CPA6: variants seen among roughly 807,000 people sequenced by gnomAD.
CPA6 encodes carboxypeptidase B.
In CPA6, 58 loss-of-function variants were observed where a neutral mutation model predicts 63.3. That is an observed-to-expected ratio of 0.92 (90% confidence interval 0.74 to 1.14). The LOEUF (loss-of-function observed/expected upper bound fraction) is 1.14, where lower values mean the gene tolerates loss of function less well. Ranked by LOEUF, CPA6 falls within the 50% of genes most tolerant of loss-of-function variation. CPA6 has a pLI of 0.00. For missense variants in CPA6, 565 were observed against 526.6 expected (o/e 1.07, Z -0.71); for synonymous variants, 185 against 179.0 (o/e 1.03, Z -0.27).
Position 67,484,777 on chromosome 8 carries a change from A to G in CPA6, c.649T>C (p.Tyr217His), listed in dbSNP as rs1811441000. The G allele has an allele frequency of 1.9e-6, 3 of 1,583,306 alleles. No homozygotes were observed. Among genetic ancestry groups the G allele is most frequent in the Non-Finnish European group, 2.6e-6 (3 of 1,155,216 alleles). Reference protein sequence around the residue: ...QWFVKEALLTYKSDPAMRKML... With the variant: ...QWFVKEALLTHKSDPAMRKML... ...TTTCTCATGGCTGGGTCACTCTTAT[A>G]TGTTAGAAGAGCCTAAAAGACAAAG... Residue 217 changes from tyrosine to histidine, a missense_variant, in exon 7 of 11, where the codon TAT becomes CAT. Tyr to His is a moderately conservative substitution (Grantham distance 83). Transcript: ENST00000297770.
chr8:67,432,679 G>T (rs1810053956), intron 9 of CPA6, among the ~76,000 whole-genome samples: 2 of 152,086 alleles, frequency 1.3e-5, no homozygotes. Flanking sequence ...GTGCAGGCTG[G>T]TCTCAAATGT....
At chr8:67,467,988 G>A (rs1810967314) in intron 8 of CPA6, among the ~76,000 whole-genome samples, 1 of 151,508 alleles carries the variant, frequency 6.6e-6, no homozygotes, top group Non-Finnish European at 1.5e-5. Flanking sequence ...AACCCGGGAG[G>A]TGGAGGTTGC....
intron 1 of CPA6, among the ~76,000 whole-genome samples, chr8:67,659,526 C>T (rs899935932): frequency 2.6e-5 from 4 of 152,124 alleles, no homozygotes; most frequent in African/African-American, 9.7e-5. Context: ...AGTCTTTCTC[C>T]TCTGATGCAC....
intron 8 of CPA6, among the ~76,000 whole-genome samples, chr8:67,475,823 T>TTTCTCTTTTC (rs1554666526): frequency 2.2e-5 from 1 of 45,966 alleles, no homozygotes; most frequent in African/African-American, 1.0e-4. Flanking sequence ...CTTTCCTTTC[T>TTTCTCTTTTC]TTTCTTTCTT....
intron 2 of CPA6, among the ~76,000 whole-genome samples, chr8:67,525,434 A>T (rs1047489210): frequency 1.3e-5 from 2 of 152,236 alleles, no homozygotes; most frequent in African/African-American, 4.8e-5. Context: ...ATTGCTTAAG[A>T]ATATAAATTT....
intron 1 of CPA6, among the ~76,000 whole-genome samples, chr8:67,660,051 T>C (rs1242875640): frequency 1.3e-5 from 2 of 152,222 alleles, no homozygotes; most frequent in African/African-American, 4.8e-5. Context: ...CAGAGGCATG[T>C]AATTTCAAAT....
chr8:67,651,716 C>T lies in CPA6; in HGVS notation c.117-27465G>A, dbSNP rs370136656. 1.2e-4 allele frequency among the ~76,000 whole-genome samples: 18 copies of T among 151,936 alleles called. 1 individual carries two copies. The highest frequency in any genetic ancestry group is 3.9e-4 in the East Asian group (2 of 5,160). Reference sequence around the variant, plus strand: ...GCAGCCATAATTTAGTAGAGAATAGCGCGAGAGCTATTCTATTTTTTTTTA... The same window carrying T: ...GCAGCCATAATTTAGTAGAGAATAGTGCGAGAGCTATTCTATTTTTTTTTA... On this transcript the variant is annotated intron_variant, in intron 1 of 10. Transcript: ENST00000297770.
At chr8:67,582,641 G>A (rs1813805937) in intron 2 of CPA6, among the ~76,000 whole-genome samples, 3 of 152,172 alleles carry the variant, frequency 2.0e-5, no homozygotes, top group Admixed American at 2.0e-4. Context: ...GATGGTGTGG[G>A]AAGATCGATG....
chr8:67,597,816 G>A (rs1008911096), intron 2 of CPA6, among the ~76,000 whole-genome samples: 1 of 152,214 alleles, frequency 6.6e-6, no homozygotes, highest in Non-Finnish European at 1.5e-5. Flanking sequence ...TTGGAACCAG[G>A]TGGATTGTTG....
intron 2 of CPA6, among the ~76,000 whole-genome samples, chr8:67,612,332 C>T (rs189890291): frequency 2.6e-5 from 4 of 152,274 alleles, no homozygotes; most frequent in Admixed American, 1.3e-4. Flanking sequence ...AAAGCCTCAG[C>T]GTGGCCCCAT....
At chr8:67,451,547 A>G (rs7844794) in intron 8 of CPA6, among the ~76,000 whole-genome samples, 10,290 of 152,228 alleles carry the variant, frequency 0.068, 786 homozygotes, top group African/African-American at 0.19. Context: ...ATATAAATAA[A>G]GTGCACAATA....
At chr8:67,514,903 C>A (rs921921324) in intron 3 of CPA6, among the ~76,000 whole-genome samples, 1 of 152,184 alleles carries the variant, frequency 6.6e-6, no homozygotes. Flanking sequence ...TGCACAGCTG[C>A]GATTCTGTTC....
rs113848139 is a variant in CPA6 at position 67,653,953 on chromosome 8, C to A, written c.117-29702G>T. The stretch of plus-strand genomic sequence containing the variant: ...TTTATTGAGAGTTTTTAGCATGAAG[C>A]GTTGTTGAATTTTGTCAAAGGCCTT... On this transcript the variant is annotated intron_variant, in intron 1 of 10. Transcript: ENST00000297770. Among the ~76,000 whole-genome samples, 11 of 149,910 alleles carry A rather than the reference C, an allele frequency of 7.3e-5. 1 individual carries two copies. The highest frequency in any genetic ancestry group is 2.6e-4 in the Admixed American group (4 of 15,106).
intron 8 of CPA6, among the ~76,000 whole-genome samples, chr8:67,477,326 A>C (rs907028158): frequency 2.5e-4 from 37 of 150,492 alleles, no homozygotes; most frequent in African/African-American, 8.5e-4. Context: ...AAAAAAAAGC[A>C]TAACTAAGCA....
At chr8:67,628,629 A>G (rs1815246850) in intron 1 of CPA6, among the ~76,000 whole-genome samples, 2 of 152,242 alleles carry the variant, frequency 1.3e-5, no homozygotes, top group Non-Finnish European at 2.9e-5. Context: ...GTTTTACAGC[A>G]TTTTGTAACA....
chr8:67,511,718 C>G (rs1812047074), intron 3 of CPA6, 63 bp from the exon 4 acceptor site: 1 of 932,386 alleles, frequency 1.1e-6, no homozygotes, highest in African/African-American at 1.6e-5. Context: ...TCAGGCAACA[C>G]CCAGAAAAAA....
At chr8:67,537,480 T>A (rs1186114143) in intron 2 of CPA6, among the ~76,000 whole-genome samples, 1 of 152,256 alleles carries the variant, frequency 6.6e-6, no homozygotes, top group Non-Finnish European at 1.5e-5. Flanking sequence ...CTTATTTGCG[T>A]AGAGGTGTTT....
At chr8:67,718,794 G>A (rs546129202) in intron 1 of CPA6, among the ~76,000 whole-genome samples, 1 of 151,926 alleles carries the variant, frequency 6.6e-6, no homozygotes, top group Non-Finnish European at 1.5e-5. Flanking sequence ...TTACAGGTAC[G>A]TGTCACCACA....
chr8:67,461,269 G>C (rs368193354), intron 8 of CPA6, among the ~76,000 whole-genome samples: 2 of 143,038 alleles, frequency 1.4e-5, no homozygotes, highest in African/African-American at 2.7e-5. Flanking sequence ...GATTCTTAAC[G>C]AGCATGCTGC....
Sources: allele counts gnomAD v4.1 joint callset (sites outside exome capture counted in the v4.1 genomes callset), GRCh38; gene constraint gnomAD v4.1.1; transcripts MANE v1.5; gene names NCBI Gene and HGNC (gene_info 2026-07-23, HGNC 2026-07-21).